Variants in ARHGEF40 observed in about 807,000 individuals in gnomAD.
ARHGEF40 encodes Rho guanine nucleotide exchange factor 40.
A neutral mutation model predicts 165.9 loss-of-function variants in ARHGEF40; 98 were observed. That is an observed-to-expected ratio of 0.59 (90% CI 0.50 to 0.70). ARHGEF40 has a LOEUF of 0.70. Ranked by LOEUF, ARHGEF40 falls within the 30% of genes least tolerant of loss-of-function variation. The pLI is 0.00. For missense variants in ARHGEF40, 1,815 were observed against 1,968.0 expected (o/e 0.92, Z 1.47); for synonymous variants, 792 against 814.3 (o/e 0.97, Z 0.47).
At chr14:21,063,216 GTA>G in the ARHGEF40 span, among the ~76,000 whole-genome samples, 12 of 152,100 alleles carry the variant, frequency 7.9e-5, 3 homozygotes, top group Admixed American at 6.5e-4. Flanking sequence ...AAAGTGGTGT[GTA>G]TGTGTGTGTG....
chr14:21,070,757 G>A lies in ARHGEF40; in HGVS notation c.3+358G>A, dbSNP rs1198447080. The A allele has an allele frequency of 1.3e-6, 2 of 1,484,498 alleles. No individual in the cohort carries two copies. Among genetic ancestry groups the A allele is most frequent in the Non-Finnish European group, 1.8e-6 (2 of 1,101,340 alleles). The allele number at this position is 1,484,498 out of a possible 1,614,324, so 92.0% of individuals were successfully genotyped here. The stretch of plus-strand genomic sequence containing the variant: ...CTCCTGGTCCGAGCTCCTTACCCGC[G>A]GGAGACCCCTGCGGGTTGGTCCTGC... On this transcript the variant is annotated intron_variant, in intron 1 of 23. Coordinates refer to ENST00000298694, the MANE Select transcript of ARHGEF40 (RefSeq NM_018071.5). The surrounding 1 kb of genome is among the most constrained non-coding windows in gnomAD (Gnocchi z 4.7).
chr14:21,085,453 C>T (rs1457819981), intron 18 of ARHGEF40, among the ~76,000 whole-genome samples: 1 of 152,228 alleles, frequency 6.6e-6, no homozygotes, highest in Admixed American at 6.5e-5. Flanking sequence ...AATTCCGGCT[C>T]TAATAAGCTG....
At chr14:21,085,373 T>A (rs1888250770) in intron 18 of ARHGEF40, among the ~76,000 whole-genome samples, 1 of 152,132 alleles carries the variant, frequency 6.6e-6, no homozygotes, top group Non-Finnish European at 1.5e-5. Flanking sequence ...ATTCTAAGGG[T>A]TTCTAGACTT....
At chr14:21,085,003 C>G (rs921620835) in intron 18 of ARHGEF40, 80 bp downstream of exon 18, 2 of 1,532,712 alleles carry the variant, frequency 1.3e-6, no homozygotes, top group Non-Finnish European at 1.8e-6. Flanking sequence ...GGAAATTCAG[C>G]CCCAACAGAG....
At chr14:21,062,708 AGTGTGTGT>A in the ARHGEF40 span, among the ~76,000 whole-genome samples, 17 of 130,978 alleles carry the variant, frequency 1.3e-4, no homozygotes, top group East Asian at 4.6e-4. Flanking sequence ...GGCTGGGCAC[AGTGTGTGT>A]GTGTGTGTGT....
chr14:21,082,543 C>T, intron 15 of ARHGEF40, 65 bp downstream of exon 15: 1 of 1,469,098 alleles, frequency 6.8e-7, no homozygotes, highest in Non-Finnish European at 9.1e-7. Context: ...ATCCATCTGT[C>T]CCTCTTTCTC....
chr14:21,074,047 A>C lies in ARHGEF40; in HGVS notation c.317A>C (p.Tyr106Ser). 2 of 1,614,072 alleles carry C rather than the reference A, an allele frequency of 1.2e-6. No individual in the cohort carries two copies. The highest frequency in any genetic ancestry group is 1.7e-6 in the Non-Finnish European group (2 of 1,180,002). Residue 106 changes from tyrosine to serine, a missense_variant, in exon 3 of 24, where the codon TAT (tyrosine) becomes TCT (serine). Coordinates refer to ENST00000298694, the MANE Select transcript of ARHGEF40 (RefSeq NM_018071.5). The surrounding 1 kb of genome is among the most constrained non-coding windows in gnomAD (Gnocchi z 4.8). ...PWQLLRPGDFYLQVVPSAAQA... is the reference protein window; with the variant it reads ...PWQLLRPGDFSLQVVPSAAQA... Reference sequence around the variant, plus strand: ...CAACTGCTGCGCCCAGGAGACTTCTATCTGCAGGTGGTGCCCTCAGCTGCC... The same window carrying C: ...CAACTGCTGCGCCCAGGAGACTTCTCTCTGCAGGTGGTGCCCTCAGCTGCC...
chr14:21,070,364 G>A lies in ARHGEF40; in HGVS notation c.-33G>A. The A allele has an allele frequency of 7.1e-7, 1 of 1,406,186 alleles. No individual in the cohort carries two copies. Among genetic ancestry groups the A allele is most frequent in the Non-Finnish European group, 9.2e-7 (1 of 1,087,332 alleles). The allele number at this position is 1,406,186 out of a possible 1,614,324, so 87.1% of individuals were successfully genotyped here. On this transcript the variant is annotated 5_prime_UTR_variant, in exon 1 of 24. Coordinates refer to ENST00000298694, the MANE Select transcript of ARHGEF40 (RefSeq NM_018071.5). This position sits in a 1 kb window ranked among gnomAD's most constrained non-coding sequence, Gnocchi z 4.7. ...GTGGCGCGCCCGGCCCCGCCCGCCC[G>A]ACCAAGCGTCGGACGCGGCCCGGCG...
rs1886766509 is a variant in ARHGEF40 at position 21,070,943 on chromosome 14, AAG to A, written c.3+547_3+548del. 2.3e-6 allele frequency: 3 copies of A among 1,323,838 alleles called. No individual in the cohort carries two copies. In the East Asian group the frequency reaches 7.5e-5, roughly 33 times the overall value. 82.0% of individuals were successfully genotyped at this position (1,323,838 alleles called of 1,614,324 possible). ...TGGGCCGGGTCCCGGGGCATGGCCA[AAG>A]AGGGAAATTCCCGCAGAGAAAAAGA... On this transcript the variant is annotated intron_variant, in intron 1 of 23. Coordinates refer to ENST00000298694, the MANE Select transcript of ARHGEF40 (RefSeq NM_018071.5). This position sits in a 1 kb window ranked among gnomAD's most constrained non-coding sequence, Gnocchi z 4.7.
intron 11 of ARHGEF40, among the ~76,000 whole-genome samples, chr14:21,079,399 C>T (rs925188030): frequency 1.3e-5 from 2 of 152,136 alleles, no homozygotes; most frequent in Non-Finnish European, 2.9e-5. Flanking sequence ...ACTCCTTATG[C>T]GATGTCATCC....
Position 21,082,447 on chromosome 14 carries a change from C to T in ARHGEF40, c.3455C>T (p.Pro1152Leu). Residue 1152 changes from proline to leucine, a missense_variant, in exon 15 of 24, where the codon CCC (proline) becomes CTC (leucine). Pro to Leu is a moderately conservative substitution (Grantham distance 98). Coordinates refer to ENST00000298694, the MANE Select transcript of ARHGEF40 (RefSeq NM_018071.5). ...GAGCTTCAGGGCTGCGCCACCCACC[C>T]CCTACGCATTGGGGCCTGCTTCCTT... ...LRELQGCATH[P>L]LRIGACFLRH... 6.2e-7 allele frequency: 1 copy of T among 1,601,394 alleles called. No homozygotes were observed. Among genetic ancestry groups the T allele is most frequent in the East Asian group, 2.2e-5 (1 of 44,568 alleles).
In ARHGEF40 at chr14:21,084,713, G is replaced by C. The variant is rs1419536839; in HGVS notation, c.3790-40G>C. ...TTGCTCCCTGTAAAATACAAACAAA[G>C]GGCCCCTGGGCCAACCACTTTTCCT... On this transcript the variant is annotated intron_variant, in intron 17 of 23. Transcript: ENST00000298694. The C allele has an allele frequency of 1.9e-6, 3 of 1,583,342 alleles. No homozygotes were observed. In the African/African-American group the frequency reaches 4.1e-5, roughly 22 times the overall value.
Position 21,073,497 on chromosome 14 carries a change from AC to A in ARHGEF40, c.201+260del, listed in dbSNP as rs902500517. ...CAAATTCATCTTGACCCCAATACTG[AC>A]CCCCAAAGACCCTAACTCTCCAGAC... On this transcript the variant is annotated intron_variant, in intron 2 of 23. Transcript: ENST00000298694. The surrounding 1 kb of genome is among the most constrained non-coding windows in gnomAD (Gnocchi z 4.6). Among the ~76,000 whole-genome samples the A allele has an allele frequency of 4.0e-5, 6 of 150,544 alleles. No homozygotes were observed. The highest frequency in any genetic ancestry group is 1.5e-4 in the African/African-American group (6 of 40,804).
intron 8 of ARHGEF40, among the ~76,000 whole-genome samples, chr14:21,077,428 C>A (rs144733796): frequency 3.3e-5 from 5 of 151,984 alleles, no homozygotes; most frequent in African/African-American, 9.7e-5. Flanking sequence ...CAAATAAATT[C>A]TTAATATGAC....
chr14:21,063,396 T>A, the ARHGEF40 span, among the ~76,000 whole-genome samples: 2 of 152,178 alleles, frequency 1.3e-5, no homozygotes, highest in Non-Finnish European at 2.9e-5. Flanking sequence ...AATGTAACAA[T>A]TACTTGGAAT....
In ARHGEF40 at chr14:21,073,237, G is replaced by A; in HGVS notation, c.196G>A (p.Ala66Thr). 3 of 1,607,328 alleles carry A rather than the reference G, an allele frequency of 1.9e-6. No homozygotes were observed. Among genetic ancestry groups the A allele is most frequent in the South Asian group, 2.2e-5 (2 of 90,292 alleles). ...CCTGCTTGCCAAGGTCCAGCAGGAAGCCTGTGTGAGTGGCCGTGCATCACT... is the reference window on the plus strand; with the variant it reads ...CCTGCTTGCCAAGGTCCAGCAGGAAACCTGTGTGAGTGGCCGTGCATCACT... ...KHLLAKVQQE[A>T]CAQYSGFLFF... Residue 66 changes from alanine (A) to threonine (T), a missense_variant, in exon 2 of 24, where the codon GCC becomes ACC. Physicochemically the swap from Ala to Thr is moderately conservative, Grantham distance 58. Coordinates refer to ENST00000298694, the MANE Select transcript of ARHGEF40 (RefSeq NM_018071.5). The surrounding 1 kb of genome is among the most constrained non-coding windows in gnomAD (Gnocchi z 4.6).
At chr14:21,065,297 G>A (rs1486068815), upstream of ARHGEF40, among the ~76,000 whole-genome samples, 2 of 152,024 alleles carry the variant, frequency 1.3e-5, no homozygotes, top group Non-Finnish European at 2.9e-5. Flanking sequence ...AGGAAGACAG[G>A]AAAGCAGCTG....
upstream of ARHGEF40, among the ~76,000 whole-genome samples, chr14:21,067,752 G>C (rs1311362682): frequency 1.2e-5 from 1 of 80,304 alleles, no homozygotes; most frequent in East Asian, 3.0e-4. Context: ...ACTCTGTTGT[G>C]TACACACGTA....
At position 21,072,158 on chromosome 14, in the gene ARHGEF40, G is replaced by C. The variant is rs1886988186; in HGVS notation, c.4-887G>C. 6.6e-6 allele frequency among the ~76,000 whole-genome samples: 1 copy of C among 152,220 alleles called. No individual in the cohort carries two copies. The highest frequency in any genetic ancestry group is 2.1e-4 in the South Asian group (1 of 4,834). ...CAAGGGGTGGTTGTTTAGGTTAGGA[G>C]TTGGAGAAAGACGTCTCATTGACTC... On this transcript the variant is annotated intron_variant, in intron 1 of 23. Transcript: ENST00000298694. This position sits in a 1 kb window ranked among gnomAD's most constrained non-coding sequence, Gnocchi z 4.1.
Sources: allele counts gnomAD v4.1 joint callset (sites outside exome capture counted in the v4.1 genomes callset), GRCh38; gene constraint gnomAD v4.1.1; non-coding constraint Gnocchi (gnomAD v3.1); transcripts MANE v1.5; gene names NCBI Gene and HGNC (gene_info 2026-07-23, HGNC 2026-07-21).